PBX3: variants seen among roughly 807,000 people sequenced by gnomAD.
The protein encoded by PBX3 is pre-B-cell leukemia transcription factor 3.
Under a neutral mutation model 48.5 loss-of-function variants are expected in PBX3, and 14 were observed. The observed-to-expected ratio is 0.29, with a 90% CI of 0.19 to 0.45. The LOEUF (loss-of-function observed/expected upper bound fraction) is 0.45. PBX3 is among the 20% of genes least tolerant of loss of function. The probability of loss-of-function intolerance (pLI) is 1.00; values close to 1 mark genes in which losing one functional copy is unlikely to be tolerated. For missense variants in PBX3, 386 were observed against 546.7 expected, an observed-to-expected ratio of 0.71 and a Z score of 2.93; for synonymous variants, 210 against 200.3, an observed-to-expected ratio of 1.05 and a Z score of -0.41.
chr9:125,781,355 C>G (rs1243635573), intron 2 of PBX3, among the ~76,000 whole-genome samples: 1 of 151,690 alleles, frequency 6.6e-6, no homozygotes, highest in Non-Finnish European at 1.5e-5. Flanking sequence ...CCGTCTCCAC[C>G]AAAAAAGTAC....
intron 2 of PBX3, among the ~76,000 whole-genome samples, chr9:125,822,385 C>G (rs909513636): frequency 8.5e-5 from 13 of 152,096 alleles, no homozygotes; most frequent in Non-Finnish European, 1.5e-4. Flanking sequence ...AGTGGTTTTC[C>G]TCTTGTACAC....
intron 2 of PBX3, among the ~76,000 whole-genome samples, chr9:125,762,184 T>A (rs896566272): frequency 2.0e-5 from 3 of 152,172 alleles, no homozygotes; most frequent in African/African-American, 7.2e-5. Flanking sequence ...ATTTTTTTTC[T>A]TGTAAAAATT....
intron 2 of PBX3, among the ~76,000 whole-genome samples, chr9:125,905,608 T>C (rs1841051872): frequency 6.6e-6 from 1 of 152,028 alleles, no homozygotes; most frequent in Non-Finnish European, 1.5e-5. Context: ...ATGAAAGATA[T>C]ATTGACTTTT....
intron 2 of PBX3, among the ~76,000 whole-genome samples, chr9:125,892,957 C>T (rs1840684621): frequency 6.6e-6 from 1 of 152,160 alleles, no homozygotes; most frequent in Non-Finnish European, 1.5e-5. Flanking sequence ...CCCTGATTTA[C>T]GCTAGCATTA....
At chr9:125,945,076 T>A in intron 5 of PBX3, among the ~76,000 whole-genome samples, 1 of 151,822 alleles carries the variant, frequency 6.6e-6, no homozygotes, top group Middle Eastern at 3.2e-3. Context: ...TACAAAAAAT[T>A]AGCTGGGCAT....
chr9:125,802,633 T>A (rs1486088136), intron 2 of PBX3, among the ~76,000 whole-genome samples: 1 of 151,680 alleles, frequency 6.6e-6, no homozygotes, highest in African/African-American at 2.4e-5. Context: ...CCTCCCAAAG[T>A]GTTGGGATTA....
chr9:125,912,930 AAGTAAT>A (rs1841236750), intron 2 of PBX3, among the ~76,000 whole-genome samples: 2 of 152,160 alleles, frequency 1.3e-5, no homozygotes, highest in African/African-American at 4.8e-5. Flanking sequence ...TTAGTAAACT[AAGTAAT>A]AGTGAGTGGC....
intron 2 of PBX3, among the ~76,000 whole-genome samples, chr9:125,908,306 G>A (rs1474600424): frequency 1.3e-5 from 2 of 151,990 alleles, no homozygotes; most frequent in Non-Finnish European, 2.9e-5. Flanking sequence ...GGGAGCAGGC[G>A]CACAGTGTAG....
At chr9:125,835,786 A>G (rs1839116595) in intron 2 of PBX3, among the ~76,000 whole-genome samples, 1 of 152,230 alleles carries the variant, frequency 6.6e-6, no homozygotes, top group African/African-American at 2.4e-5. Flanking sequence ...GGAAAACAGT[A>G]TGGAGCTTCC....
At chr9:125,937,198 G>A (rs1301702495) in intron 5 of PBX3, among the ~76,000 whole-genome samples, 1 of 152,138 alleles carries the variant, frequency 6.6e-6, no homozygotes, top group African/African-American at 2.4e-5. Context: ...AGAATCTGGA[G>A]TTTTCATTAG....
chr9:125,915,619 TACTC>T (rs1841310166), intron 2 of PBX3, 63 bp from the exon 3 acceptor site: 2 of 1,217,778 alleles, frequency 1.6e-6, no homozygotes, highest in East Asian at 2.4e-5. Context: ...ATAAACAAAA[TACTC>T]ACACTATTTG....
chr9:125,814,957 T>C (rs752576670), intron 2 of PBX3, among the ~76,000 whole-genome samples: 2 of 152,222 alleles, frequency 1.3e-5, no homozygotes, highest in Non-Finnish European at 2.9e-5. Context: ...ATTAGGGAAT[T>C]ACAGCCTCTC....
chr9:125,948,315 A>G (rs1842109345), intron 5 of PBX3, among the ~76,000 whole-genome samples: 1 of 152,268 alleles, frequency 6.6e-6, no homozygotes, highest in African/African-American at 2.4e-5. Context: ...CACTTATAGA[A>G]CAATTTGAAA....
chr9:125,780,684 C>T (rs1458498803), intron 2 of PBX3, among the ~76,000 whole-genome samples: 5 of 131,634 alleles, frequency 3.8e-5, no homozygotes, highest in Admixed American at 7.5e-5. Context: ...GCTGGCCGGG[C>T]GGGGGGCTGA....
chr9:125,912,207 C>T (rs1841219473), intron 2 of PBX3, among the ~76,000 whole-genome samples: 1 of 152,124 alleles, frequency 6.6e-6, no homozygotes, highest in Admixed American at 6.6e-5. Flanking sequence ...AATTCAAAAG[C>T]TTGCCTATAT....
chr9:125,958,120 C>T (rs926608600), intron 5 of PBX3, among the ~76,000 whole-genome samples: 2 of 152,122 alleles, frequency 1.3e-5, no homozygotes, highest in African/African-American at 4.8e-5. Context: ...GAGGATTTGT[C>T]CTGGTGCAGA....
At chr9:125,929,356 A>G (rs1841662438) in intron 3 of PBX3, among the ~76,000 whole-genome samples, 1 of 152,216 alleles carries the variant, frequency 6.6e-6, no homozygotes, top group African/African-American at 2.4e-5. Flanking sequence ...TTTTACTTGT[A>G]TATGGGAATT....
chr9:125,879,892 C>CTT (rs1840342124), intron 2 of PBX3, among the ~76,000 whole-genome samples: 1 of 152,096 alleles, frequency 6.6e-6, no homozygotes, highest in South Asian at 2.1e-4. Context: ...GGTTTGAATA[C>CTT]TTTCTCTGGG....
chr9:125,928,170 G>A (rs921065664), intron 3 of PBX3, among the ~76,000 whole-genome samples: 2 of 151,752 alleles, frequency 1.3e-5, no homozygotes, highest in Non-Finnish European at 2.9e-5. Flanking sequence ...CATCCTGGGC[G>A]ACAGAGCAAG....
Sources: allele counts gnomAD v4.1 joint callset (sites outside exome capture counted in the v4.1 genomes callset), GRCh38; gene constraint gnomAD v4.1.1; transcripts MANE v1.5; gene names NCBI Gene and HGNC (gene_info 2026-07-23, HGNC 2026-07-21).